The following GSE1 variants were observed in gnomAD, a reference collection of about 807,000 sequenced individuals.
GSE1 encodes Gse1 coiled-coil protein, also known as genetic suppressor element 1.
Under a neutral mutation model 112.6 loss-of-function variants are expected in GSE1, and 32 were observed. The ratio of observed to expected loss-of-function variants is 0.28; its 90% CI spans 0.21 to 0.38. The LOEUF (loss-of-function observed/expected upper bound fraction) is 0.38, where lower values mean the gene tolerates loss of function less well. Ranked by LOEUF, GSE1 falls within the 10% of genes least tolerant of loss-of-function variation. The pLI is 1.00. For missense variants in GSE1, 2,348 were observed against 1,699.2 expected (o/e 1.38, Z -6.71); for synonymous variants, 1,115 against 735.6 (o/e 1.52, Z -8.35).
intron 1 of GSE1, among the ~76,000 whole-genome samples, chr16:85,614,371 G>A (rs568884028): frequency 9.9e-5 from 15 of 152,176 alleles, no homozygotes; most frequent in African/African-American, 1.4e-4. Flanking sequence ...TCATGGAGGC[G>A]GAGCGGGAGT....
At chr16:85,646,638 G>A (rs1375364320) in intron 2 of GSE1, among the ~76,000 whole-genome samples, 1 of 152,204 alleles carries the variant, frequency 6.6e-6, no homozygotes, top group African/African-American at 2.4e-5. Flanking sequence ...TGGGGAGGGT[G>A]AGCCGGACAC....
chr16:85,488,631 A>G (rs868219589), intron 2 of GSE1, among the ~76,000 whole-genome samples: 1 of 152,120 alleles, frequency 6.6e-6, no homozygotes, highest in African/African-American at 2.4e-5. Context: ...AGGAAGTTCA[A>G]GGTGCCTCAG....
At chr16:85,507,943 G>GT (rs1469566010) in intron 2 of GSE1, among the ~76,000 whole-genome samples, 3 of 152,178 alleles carry the variant, frequency 2.0e-5, no homozygotes, top group Admixed American at 6.5e-5. Context: ...CATGTAATGG[G>GT]CCCCTGCATG....
exon 1 of GSE1, chr16:85,170,246 A>C: frequency 1.0e-6 from 1 of 985,474 alleles, no homozygotes; most frequent in Non-Finnish European, 1.2e-6. Flanking sequence ...CTCCCCGCGA[A>C]GGCCCACGCG....
intron 1 of GSE1, among the ~76,000 whole-genome samples, chr16:85,620,887 G>A (rs1445585038): frequency 6.6e-6 from 1 of 152,040 alleles, no homozygotes; most frequent in Non-Finnish European, 1.5e-5. Context: ...CGTTTAGAGG[G>A]TCTCGGCCCT....
intron 1 of GSE1, among the ~76,000 whole-genome samples, chr16:85,320,575 G>T (rs1000512314): frequency 1.3e-5 from 2 of 152,130 alleles, no homozygotes; most frequent in South Asian, 4.1e-4. Flanking sequence ...GATTATAAGC[G>T]TGAGCCACCA....
chr16:85,335,290 G>A (rs1013110414), intron 1 of GSE1, among the ~76,000 whole-genome samples: 1 of 152,264 alleles, frequency 6.6e-6, no homozygotes, highest in Non-Finnish European at 1.5e-5. Context: ...TTGCCCCATG[G>A]TGGCACTGCT....
chr16:85,212,864 G>A (rs772545472), intron 1 of GSE1, among the ~76,000 whole-genome samples: 19 of 152,066 alleles, frequency 1.2e-4, no homozygotes, highest in Non-Finnish European at 1.9e-4. Flanking sequence ...GTGGTGGCTT[G>A]TGCCTGTAAT....
At chr16:85,577,751 A>T (rs1243460948) in intron 1 of GSE1, among the ~76,000 whole-genome samples, 1 of 152,152 alleles carries the variant, frequency 6.6e-6, no homozygotes, top group Non-Finnish European at 1.5e-5. Context: ...ACCCTTGCCC[A>T]GGAGTTTTAG....
chr16:85,551,518 T>C (rs112686166), upstream of GSE1, among the ~76,000 whole-genome samples: 408 of 152,346 alleles, frequency 2.7e-3, 4 homozygotes, highest in African/African-American at 9.2e-3. Flanking sequence ...AGCCACACTG[T>C]GGCAAACAAC....
At chr16:85,298,539 T>C (rs2045430458) in intron 1 of GSE1, among the ~76,000 whole-genome samples, 2 of 152,228 alleles carry the variant, frequency 1.3e-5, no homozygotes, top group Admixed American at 6.5e-5. Flanking sequence ...GCAATTCTCC[T>C]GCTTCGGCCT....
chr16:85,319,493 G>GCGT (rs10682662), intron 1 of GSE1, among the ~76,000 whole-genome samples: 4,598 of 152,234 alleles, frequency 0.03, 232 homozygotes, highest in African/African-American at 0.11. Flanking sequence ...GGGGTGGCGA[G>GCGT]CGTCGGGCTG....
intron 13 of GSE1, among the ~76,000 whole-genome samples, chr16:85,667,382 C>A (rs1256217852): frequency 6.6e-6 from 1 of 152,238 alleles, no homozygotes; most frequent in Admixed American, 6.5e-5. Context: ...GCCAGGTGTG[C>A]TCCTGAGGAT....
chr16:85,519,615 A>AGTCTCCATCATCATCACCT (rs2052099972), intron 2 of GSE1, among the ~76,000 whole-genome samples: 1 of 142,316 alleles, frequency 7.0e-6, no homozygotes, highest in Non-Finnish European at 1.5e-5. Flanking sequence ...CATCATCACC[A>AGTCTCCATCATCATCACCT]TCACCACCAC....
rs144788276 is a variant in GSE1 at position 85,309,658 on chromosome 16, C to T, written c.2284-47805C>T. ...TTCCACAGTGCCAGGACCTGTCCAC[C>T]TCTCCTGCTCTGCAGACGCCATTTG... is the stretch of plus-strand genomic sequence containing the variant. On this transcript the variant is annotated intron_variant, in intron 1 of 2. Transcript: ENST00000637419. Among the ~76,000 whole-genome samples, 353 of 152,366 alleles carry T rather than the reference C, an allele frequency of 2.3e-3. 3 individuals carry two copies. Among genetic ancestry groups the T allele is most frequent in the African/African-American group, 8.1e-3 (337 of 41,596 alleles).
intron 2 of GSE1, among the ~76,000 whole-genome samples, chr16:85,382,464 T>C (rs1047587509): frequency 3.9e-5 from 6 of 152,194 alleles, no homozygotes. Context: ...TTGGGTAAAA[T>C]CGCTCCCAGT....
chr16:85,452,991 T>C (rs995804582), intron 2 of GSE1, among the ~76,000 whole-genome samples: 2 of 152,172 alleles, frequency 1.3e-5, no homozygotes, highest in African/African-American at 4.8e-5. Flanking sequence ...GGTTTGGCAA[T>C]TTGCCTGTGT....
At chr16:85,231,585 T>G (rs1820387879) in intron 1 of GSE1, among the ~76,000 whole-genome samples, 1 of 151,766 alleles carries the variant, frequency 6.6e-6, no homozygotes, top group Admixed American at 6.6e-5. Context: ...AGATGATAGA[T>G]GGACCAGTGG....
intron 1 of GSE1, among the ~76,000 whole-genome samples, chr16:85,184,633 C>A (rs1484813980): frequency 6.6e-6 from 1 of 152,192 alleles, no homozygotes; most frequent in Non-Finnish European, 1.5e-5. Flanking sequence ...AGCTGCACCC[C>A]ACACTTTGTG....
Sources: gnomAD v4.1 joint callset for allele counts (sites outside exome capture counted in the v4.1 genomes callset) on GRCh38, gnomAD v4.1.1 for gene constraint, MANE v1.5 for transcripts, NCBI Gene and HGNC (gene_info 2026-07-23, HGNC 2026-07-21) for gene names.